Variants in HPS1 observed in about 807,000 individuals in gnomAD.
The protein encoded by HPS1 is HPS1 biogenesis of lysosomal organelles complex 3 subunit 1, also known as BLOC-3 complex member HPS1.
In HPS1, 59 loss-of-function variants were observed where a neutral mutation model predicts 90.6. That is an observed-to-expected ratio of 0.65 (90% CI 0.53 to 0.81). The LOEUF is 0.81. HPS1 is among the 30% of genes least tolerant of loss of function. The pLI, the probability that HPS1 is intolerant of heterozygous loss-of-function variation, is 0.00. For missense variants in HPS1, 849 were observed against 896.7 expected, an observed-to-expected ratio of 0.95 and a Z score of 0.68; for synonymous variants, 388 against 384.4, an observed-to-expected ratio of 1.01 and a Z score of -0.11.
At chr10:98,433,814 A>G in intron 6 of HPS1, 169 bp downstream of exon 6, 3 of 861,838 alleles carry the variant, frequency 3.5e-6, no homozygotes, top group Non-Finnish European at 5.4e-6. Flanking sequence ...AAAGCCCATC[A>G]GGGTACCCAA....
Position 98,425,803 on chromosome 10 carries a change from GA to G in HPS1, c.1155+14del. ...ACCCTAAGCATCATCAGGGCAGGGTGAGGGGCTCTCCTACCCTGGTCAGGAG... is the reference window on the plus strand; with the variant it reads ...ACCCTAAGCATCATCAGGGCAGGGTGGGGGCTCTCCTACCCTGGTCAGGAG... On this transcript the variant is annotated intron_variant, in intron 12 of 19. Coordinates refer to ENST00000361490, the MANE Select transcript of HPS1 (RefSeq NM_000195.5). The G allele has an allele frequency of 6.2e-7, 1 of 1,611,570 alleles. No individual in the cohort carries two copies.
intron 6 of HPS1, among the ~76,000 whole-genome samples, chr10:98,432,296 T>C (rs1402557709): frequency 6.6e-6 from 1 of 152,260 alleles, no homozygotes; most frequent in South Asian, 2.1e-4. Context: ...TGTGCCACCA[T>C]AGCTTTTGAT....
At chr10:98,424,733 G>T (rs1845371005) in intron 13 of HPS1, among the ~76,000 whole-genome samples, 1 of 151,914 alleles carries the variant, frequency 6.6e-6, no homozygotes, top group African/African-American at 2.4e-5. Context: ...AGCTGGGAGG[G>T]TATGGGGTGG....
chr10:98,435,233 C>T lies in HPS1; in HGVS notation c.398+39G>A, dbSNP rs1361997412. 1.9e-6 allele frequency: 3 copies of T among 1,613,250 alleles called. No homozygotes were observed. Among genetic ancestry groups the T allele is most frequent in the Non-Finnish European group, 2.5e-6 (3 of 1,179,924 alleles). On this transcript the variant is annotated intron_variant, in intron 5 of 19. Transcript: ENST00000361490. This position sits in a 1 kb window ranked among gnomAD's most constrained non-coding sequence, Gnocchi z 4.3. Reference sequence around the variant, plus strand: ...CACGCTGCCTGGCCCAGCGAGGGTGCTCGGCAAAGGACAGAGGGGACCAGC... The same window carrying T: ...CACGCTGCCTGGCCCAGCGAGGGTGTTCGGCAAAGGACAGAGGGGACCAGC...
chr10:98,422,228 T>C (rs1591030343), intron 17 of HPS1, 141 bp downstream of exon 17: 5 of 844,876 alleles, frequency 5.9e-6, no homozygotes, highest in East Asian at 5.1e-5. Flanking sequence ...CGAGCATTTA[T>C]TTATGCCGGC....
intron 6 of HPS1, 26 bp downstream of exon 6, chr10:98,433,957 T>C (rs1196835649): frequency 1.3e-6 from 2 of 1,551,304 alleles, no homozygotes; most frequent in Admixed American, 2.0e-5. Flanking sequence ...CTTCAAGTCC[T>C]GAGGACTCCC....
chr10:98,436,643 T>C (rs1339530278), intron 3 of HPS1, among the ~76,000 whole-genome samples: 1 of 152,112 alleles, frequency 6.6e-6, no homozygotes, highest in African/African-American at 2.4e-5. Context: ...TTGTTGCAAA[T>C]GTGTGAATAA....
At position 98,416,714 on chromosome 10, in the gene HPS1, C is replaced by T. The variant is rs1025158171; in HGVS notation, c.*850G>A. 2.6e-5 allele frequency: 4 copies of T among 152,364 alleles called. No homozygotes were observed. Among genetic ancestry groups the T allele is most frequent in the East Asian group, 3.8e-4 (2 of 5,264 alleles). 9.4% of individuals were successfully genotyped at this position (152,364 alleles called of 1,614,324 possible). ...CCTCCTGGCCTCAGAGGAGCAGACA[C>T]TCCCAGTCCCAGGGCTCTCAGGGTC... On this transcript the variant is annotated 3_prime_UTR_variant, in exon 20 of 20. Transcript: ENST00000361490.
intron 8 of HPS1, 96 bp from the exon 9 acceptor site, chr10:98,429,985 C>A: frequency 9.9e-7 from 1 of 1,007,172 alleles, no homozygotes; most frequent in South Asian, 1.4e-5. Flanking sequence ...GCCTCCACCC[C>A]TCCACCCCTC....
chr10:98,417,618 C>T lies in HPS1; in HGVS notation c.2049G>A (p.Gln683=), dbSNP rs540235677. Residue 683 remains glutamine, a synonymous_variant, in exon 20 of 20, where the codon CAG becomes CAA. Transcript: ENST00000361490. This position sits in a 1 kb window ranked among gnomAD's most constrained non-coding sequence, Gnocchi z 4.2. ...SVIPTDLLVQ[Q]AGQLARRLWE... ...AGAGGCGCCGGGCCAGCTGGCCGGC[C>T]TGCTGCACCAGCAGGTCAGTGGGGA... The T allele has an allele frequency of 6.2e-7, 1 of 1,613,146 alleles. No homozygotes were observed. Among genetic ancestry groups the T allele is most frequent in the South Asian group, 1.1e-5 (1 of 91,046 alleles).
At chr10:98,441,826 C>T (rs1300213740) in intron 3 of HPS1, among the ~76,000 whole-genome samples, 9 of 152,186 alleles carry the variant, frequency 5.9e-5, no homozygotes, top group East Asian at 1.9e-4. Context: ...ATTAAAAAGA[C>T]GGACTATAGT....
rs1591119226 is a variant in HPS1, at chr10:98,435,436, T to G, written c.256-22A>C. The G allele has an allele frequency of 1.9e-6, 3 of 1,613,576 alleles. No homozygotes were observed. The highest frequency in any genetic ancestry group is 1.3e-5 in the African/African-American group (1 of 74,978). ...CAAACTGCAGGCACAGGCAGGCCAGTGTCAGCCAGCCCCAAGGGCACTCCC... is the reference window on the plus strand; with the variant it reads ...CAAACTGCAGGCACAGGCAGGCCAGGGTCAGCCAGCCCCAAGGGCACTCCC... On this transcript the variant is annotated intron_variant, in intron 4 of 19. Transcript: ENST00000361490. This position sits in a 1 kb window ranked among gnomAD's most constrained non-coding sequence, Gnocchi z 4.3.
chr10:98,446,150 G>A (rs991857256), intron 1 of HPS1, among the ~76,000 whole-genome samples: 7 of 150,390 alleles, frequency 4.7e-5, no homozygotes, highest in East Asian at 1.9e-4. Context: ...GAGCCAGTAA[G>A]AGGCAAGTGA....
Position 98,430,645 on chromosome 10 carries a change from C to G in HPS1, c.694G>C (p.Ala232Pro), listed in dbSNP as rs1177020051. The change falls in exon 8 of 20, where the codon GCC becomes CCC. Residue 232 changes from alanine to proline, a missense_variant. Transcript: ENST00000361490. ...SSHSASSLRP[A>P]DLLALILLVQ... is the part of the protein sequence containing the mutation. ...AGGAGGATGAGGGCAAGCAGGTCGG[C>G]CGGGCGCAGGGAGCTGGCACTGTGG... 4 of 1,554,904 alleles carry G rather than the reference C, an allele frequency of 2.6e-6. No individual in the cohort carries two copies. In the African/African-American group the frequency reaches 4.1e-5, roughly 16 times the overall value.
In HPS1 at chr10:98,423,631, TCAC is replaced by T. The variant is rs1246489398; in HGVS notation, c.1567_1569del (p.Val523del). ...ACCATGGTGATGTTCCTCCTGCTCTTCACCAGCAAGAAGTCCTTCCAGTCCGTC... is the reference window on the plus strand; with the variant it reads ...ACCATGGTGATGTTCCTCCTGCTCTTCAGCAAGAAGTCCTTCCAGTCCGTC... On this transcript the variant is annotated inframe_deletion, in exon 16 of 20. Transcript: ENST00000361490. The T allele has an allele frequency of 5.0e-6, 8 of 1,613,852 alleles. No homozygotes were observed. The Admixed American group carries it at 1.2e-4, about 24-fold the overall frequency.
At position 98,420,143 on chromosome 10, in the gene HPS1, G is replaced by A. The variant is rs761122230; in HGVS notation, c.1759C>T (p.Gln587Ter). The change falls in exon 18 of 20, where the codon CAG (glutamine) becomes TAG (stop). Residue 587 changes from glutamine to a stop codon, truncating the protein, a stop_gained. Transcript: ENST00000361490. LOFTEE classifies it high-confidence loss of function. The stretch of plus-strand genomic sequence containing the variant: ...TTCTGCAGGTATCTGCGCGCCAGCT[G>A]GATCAGAGACCAGACCTGGGGAAAA... Reference protein sequence around the residue: ...FVKTKVWSLIQLARRYLQKGY... With the variant: ...FVKTKVWSLI 2.5e-6 allele frequency: 4 copies of A among 1,613,202 alleles called. No homozygotes were observed. Among genetic ancestry groups the A allele is most frequent in the Admixed American group, 1.7e-5 (1 of 59,998 alleles).
At chr10:98,415,154 C>G (rs1843966819), downstream of HPS1, 1 of 1,609,570 alleles carries the variant, frequency 6.2e-7, no homozygotes, top group South Asian at 1.1e-5. Context: ...CAGGCTGGGC[C>G]TTGCTAGGCA....
rs185802215 is a variant in HPS1 at position 98,433,725 on chromosome 10, A to G, written c.507+258T>C. 1.6e-3 allele frequency among the ~76,000 whole-genome samples: 244 copies of G among 152,358 alleles called. 1 individual carries two copies. The highest frequency in any genetic ancestry group is 5.5e-3 in the African/African-American group (230 of 41,582). On this transcript the variant is annotated intron_variant, in intron 6 of 19. Transcript: ENST00000361490. ...GGAGGGTTGAAGGAACTGTCTTCAA[A>G]GATTCCTGTAATTTACAGTGAACCC...
chr10:98,415,589 C>T (rs189180230), downstream of HPS1, among the ~76,000 whole-genome samples: 6 of 152,332 alleles, frequency 3.9e-5, no homozygotes, highest in Admixed American at 1.3e-4. Context: ...GGCAAGTGCT[C>T]GTGTCAGACT....
Sources: gnomAD v4.1 joint callset for allele counts (sites outside exome capture counted in the v4.1 genomes callset) on GRCh38, gnomAD v4.1.1 for gene constraint, Gnocchi (gnomAD v3.1) non-coding constraint, MANE v1.5 for transcripts, NCBI Gene and HGNC (gene_info 2026-07-23, HGNC 2026-07-21) for gene names.